Variants in LRRC37A2 observed in about 807,000 individuals in gnomAD.
LRRC37A2 encodes the protein leucine rich repeat containing 37 member A2.
LRRC37A2 carries 9 observed loss-of-function variants against 68.8 expected under a neutral mutation model. The ratio of observed to expected loss-of-function variants is 0.13; its 90% CI spans 0.08 to 0.23. The LOEUF (loss-of-function observed/expected upper bound fraction) is 0.23. LRRC37A2 is among the 10% of genes least tolerant of loss of function. The pLI is 1.00. For missense variants in LRRC37A2, 168 were observed against 950.4 expected (o/e 0.18, Z 10.82); for synonymous variants, 63 against 367.6 (o/e 0.17, Z 9.48).
chr17:46,755,851 C>A, the LRRC37A2 span: 218,630 of 1,606,416 alleles, frequency 0.14, 16,979 homozygotes, highest in Non-Finnish European at 0.16. Context: ...CACACAGTGA[C>A]CAAGGGAAGT....
At chr17:47,004,094 C>T in the LRRC37A2 span, among the ~76,000 whole-genome samples, 1 of 152,194 alleles carries the variant, frequency 6.6e-6, no homozygotes, top group African/African-American at 2.4e-5. Context: ...CGTATATGTG[C>T]CACATTTTCT....
chr17:46,839,990 TTTTTTCTTTC>T, the LRRC37A2 span, among the ~76,000 whole-genome samples: 1 of 128,008 alleles, frequency 7.8e-6, no homozygotes, highest in African/African-American at 3.1e-5. Flanking sequence ...TCTTTCTTTC[TTTTTTCTTTC>T]TTCTTTCTTT....
At chr17:46,953,748 G>A in the LRRC37A2 span, among the ~76,000 whole-genome samples, 38 of 152,284 alleles carry the variant, frequency 2.5e-4, no homozygotes, top group African/African-American at 8.9e-4. Context: ...GTGTGAGATG[G>A]TATCTCATTG....
chr17:46,807,780 G>T, the LRRC37A2 span, among the ~76,000 whole-genome samples: 1 of 152,166 alleles, frequency 6.6e-6, no homozygotes, highest in Non-Finnish European at 1.5e-5. Context: ...AAATAAAAAC[G>T]GAAGAGCAGG....
At chr17:46,493,385 A>G in the LRRC37A2 span, among the ~76,000 whole-genome samples, 1 of 125,118 alleles carries the variant, frequency 8.0e-6, no homozygotes. Context: ...CTGATTTCGA[A>G]TCCTGGGCTC....
chr17:46,659,641 TTTC>T, the LRRC37A2 span, among the ~76,000 whole-genome samples: 4 of 142,836 alleles, frequency 2.8e-5, no homozygotes, highest in South Asian at 8.5e-4. Context: ...TCCTTTTGCC[TTTC>T]TTCTTCCTTC....
At chr17:46,833,103 G>A in the LRRC37A2 span, 9 of 356,620 alleles carry the variant, frequency 2.5e-5, no homozygotes, top group East Asian at 3.0e-4. Context: ...GCAAAAAGAG[G>A]GGGAGGGTTG....
At chr17:46,986,584 C>G in the LRRC37A2 span, among the ~76,000 whole-genome samples, 1 of 152,270 alleles carries the variant, frequency 6.6e-6, no homozygotes, top group Non-Finnish European at 1.5e-5. Flanking sequence ...CACTGCCAGC[C>G]GTCACAACAA....
chr17:46,988,203 A>G, the LRRC37A2 span, among the ~76,000 whole-genome samples: 8 of 152,328 alleles, frequency 5.3e-5, no homozygotes, highest in East Asian at 1.5e-3. Flanking sequence ...CAAATGCATT[A>G]TGTTAAGTGC....
At chr17:46,970,598 CTCCAGCCACAA>C in the LRRC37A2 span, among the ~76,000 whole-genome samples, 1 of 150,862 alleles carries the variant, frequency 6.6e-6, no homozygotes, top group Non-Finnish European at 1.5e-5. Context: ...AACATGAGGA[CTCCAGCCACAA>C]TCAGTCGTCA....
the LRRC37A2 span, among the ~76,000 whole-genome samples, chr17:46,874,544 G>A: frequency 6.6e-6 from 1 of 152,148 alleles, no homozygotes; most frequent in South Asian, 2.1e-4. Flanking sequence ...ACTCCATAGT[G>A]AATTTGTAAA....
At chr17:46,816,119 A>ACACACACACACGCACG in the LRRC37A2 span, among the ~76,000 whole-genome samples, 5,408 of 149,912 alleles carry the variant, frequency 0.036, 255 homozygotes, top group East Asian at 0.23. Context: ...ACGTACACAC[A>ACACACACACACGCACG]CACACACACA....
the LRRC37A2 span, chr17:46,722,054 G>C: frequency 6.2e-7 from 1 of 1,607,596 alleles, no homozygotes; most frequent in South Asian, 1.1e-5. Flanking sequence ...CCTGAGCTGA[G>C]CCTTGAGGTC....
At chr17:46,965,034 C>T in the LRRC37A2 span, 1 of 152,182 alleles carries the variant, frequency 6.6e-6, no homozygotes, top group South Asian at 2.1e-4. Flanking sequence ...AGTTTTTCAC[C>T]CTCCGGTAAG....
the LRRC37A2 span, chr17:46,773,919 G>A: frequency 6.2e-6 from 10 of 1,610,562 alleles, no homozygotes; most frequent in East Asian, 2.2e-5. Flanking sequence ...CCTGCAGGCA[G>A]ACAGAGGGTA....
intron 6 of LRRC37A2, among the ~76,000 whole-genome samples, chr17:46,539,277 C>G (rs2054828001): frequency 1.9e-5 from 2 of 104,268 alleles, no homozygotes; most frequent in African/African-American, 3.7e-5. Context: ...AGGAGCCTGA[C>G]AAGTGGACAG....
chr17:46,751,539 A>G, the LRRC37A2 span: 1 of 1,614,104 alleles, frequency 6.2e-7, no homozygotes, highest in Non-Finnish European at 8.5e-7. Flanking sequence ...ACGCACCACA[A>G]TTGCACAGCA....
the LRRC37A2 span, chr17:46,833,473 A>C: frequency 4.1e-6 from 2 of 484,690 alleles, no homozygotes; most frequent in Non-Finnish European, 8.2e-6. Flanking sequence ...CAGCCAACCC[A>C]CCCCGACTCC....
the LRRC37A2 span, among the ~76,000 whole-genome samples, chr17:46,913,043 C>T: frequency 6.6e-6 from 1 of 152,188 alleles, no homozygotes; most frequent in Non-Finnish European, 1.5e-5. Flanking sequence ...CGGATGGGAG[C>T]ACAGAACGAG....
Sources: allele counts gnomAD v4.1 joint callset (sites outside exome capture counted in the v4.1 genomes callset), GRCh38; gene constraint gnomAD v4.1.1; transcripts MANE v1.5; gene names NCBI Gene and HGNC (gene_info 2026-07-23, HGNC 2026-07-21).